Variants in PDSS2 observed in about 807,000 individuals in gnomAD.
The protein encoded by PDSS2 is decaprenyl diphosphate synthase subunit 2.
PDSS2 carries 31 observed loss-of-function variants against 44.5 expected under a neutral mutation model. The observed-to-expected ratio is 0.70, with a 90% confidence interval of 0.52 to 0.94. PDSS2 has a LOEUF of 0.94. Ranked by LOEUF, PDSS2 falls within the 40% of genes least tolerant of loss-of-function variation. The pLI is 0.00. For synonymous variants in PDSS2, 157 were observed against 180.3 expected, an observed-to-expected ratio of 0.87 and a Z score of 1.03; for missense variants, 452 against 482.2, an observed-to-expected ratio of 0.94 and a Z score of 0.59.
Position 107,274,181 on chromosome 6 carries a change from G to A in PDSS2, c.478C>T (p.Leu160Phe). The change falls in exon 3 of 8, where the codon CTT (leucine) becomes TTT (phenylalanine). Residue 160 changes from leucine to phenylalanine, a missense_variant. Transcript: ENST00000369037. Reference protein sequence around the residue: ...EITELIHIALLVHRGIVNLNE... With the variant: ...EITELIHIALFVHRGIVNLNE... ...AAATTTACTATCCCACGATGTACAA[G>A]GAGAGCAATATGAATTAGCTCCGTG... 1 of 1,613,974 alleles carries A rather than the reference G, an allele frequency of 6.2e-7. No individual in the cohort carries two copies. Among genetic ancestry groups the A allele is most frequent in the Non-Finnish European group, 8.5e-7 (1 of 1,179,854 alleles).
intron 7 of PDSS2, among the ~76,000 whole-genome samples, chr6:107,156,196 C>CTTTTTTT (rs11447270): frequency 1.7e-5 from 2 of 117,970 alleles, no homozygotes; most frequent in African/African-American, 3.1e-5. Context: ...GGCCTGAATG[C>CTTTTTTT]TTTTTTTTTT....
intron 2 of PDSS2, among the ~76,000 whole-genome samples, chr6:107,303,980 A>G (rs1353798497): frequency 3.3e-5 from 5 of 152,220 alleles, no homozygotes; most frequent in Non-Finnish European, 4.4e-5. Flanking sequence ...AATAACAAGG[A>G]CATAAACTTC....
At chr6:107,189,056 T>C (rs2114503361) in intron 7 of PDSS2, among the ~76,000 whole-genome samples, 1 of 152,232 alleles carries the variant, frequency 6.6e-6, no homozygotes, top group East Asian at 1.9e-4. Context: ...ACTATAGGTG[T>C]GCACCACCAT....
chr6:107,219,851 A>G (rs569638411), intron 4 of PDSS2, among the ~76,000 whole-genome samples: 10 of 152,292 alleles, frequency 6.6e-5, no homozygotes, highest in African/African-American at 2.4e-4. Context: ...TATCTGTTGC[A>G]TTATTAAGTA....
At chr6:107,288,811 G>A (rs1776246832) in intron 2 of PDSS2, among the ~76,000 whole-genome samples, 1 of 141,622 alleles carries the variant, frequency 7.1e-6, no homozygotes, top group Non-Finnish European at 1.5e-5. Flanking sequence ...CCAGGCTGGA[G>A]TGCAGTGGTA....
chr6:107,447,227 T>A (rs928946002), intron 1 of PDSS2, among the ~76,000 whole-genome samples: 1 of 151,996 alleles, frequency 6.6e-6, no homozygotes, highest in Non-Finnish European at 1.5e-5. Flanking sequence ...TCCCAGCTAC[T>A]CAGGAGGCTG....
In PDSS2 at chr6:107,184,864, A is replaced by C. The variant is rs139066306; in HGVS notation, c.1041+8958T>G. Among the ~76,000 whole-genome samples the C allele has an allele frequency of 6.6e-5, 10 of 151,972 alleles. No individual in the cohort carries two copies. The East Asian group carries it at 1.7e-3, about 26-fold the overall frequency. The stretch of plus-strand genomic sequence containing the variant: ...TTTTTTTACCAAGTGCTTAAGCATG[A>C]GCAATTATTTCTCTGTGCTTAGAAT... On this transcript the variant is annotated intron_variant, in intron 7 of 7. Transcript: ENST00000369037.
intron 1 of PDSS2, among the ~76,000 whole-genome samples, chr6:107,339,268 T>C (rs1778003896): frequency 6.6e-6 from 1 of 152,220 alleles, no homozygotes. Flanking sequence ...AATTATCTAA[T>C]ACTCCACAAT....
intron 2 of PDSS2, among the ~76,000 whole-genome samples, chr6:107,286,127 G>A (rs1400341227): frequency 2.3e-4 from 4 of 17,422 alleles, no homozygotes; most frequent in South Asian, 3.6e-3. Context: ...GCAAAACTTC[G>A]TCGCAAAATA....
At chr6:107,405,586 G>A (rs111982020) in intron 1 of PDSS2, among the ~76,000 whole-genome samples, 38 of 152,178 alleles carry the variant, frequency 2.5e-4, no homozygotes, top group Non-Finnish European at 4.7e-4. Flanking sequence ...GGTGGCTCAC[G>A]CCTGTAATCC....
intron 1 of PDSS2, among the ~76,000 whole-genome samples, chr6:107,336,817 AGGTGTGTGG>A: frequency 6.8e-6 from 1 of 147,304 alleles, no homozygotes; most frequent in Admixed American, 6.9e-5. Flanking sequence ...AAAGAAAAAG[AGGTGTGTGG>A]TGTGTGTGTG....
At chr6:107,272,083 A>AC (rs1276367242) in intron 3 of PDSS2, among the ~76,000 whole-genome samples, 1 of 129,084 alleles carries the variant, frequency 7.7e-6, no homozygotes, top group Non-Finnish European at 1.7e-5. Context: ...AAAAAAAGAA[A>AC]CAAAAAAAAA....
At chr6:107,353,737 A>G (rs1250275026) in intron 1 of PDSS2, among the ~76,000 whole-genome samples, 1 of 152,176 alleles carries the variant, frequency 6.6e-6, no homozygotes, top group Non-Finnish European at 1.5e-5. Flanking sequence ...GAACTTCTCA[A>G]TTAAATTCAT....
At chr6:107,193,980 C>A in intron 6 of PDSS2, 126 bp from the exon 7 acceptor site, 2 of 704,030 alleles carry the variant, frequency 2.8e-6, no homozygotes, top group Non-Finnish European at 5.2e-6. Flanking sequence ...ATTTAATATA[C>A]ATATTGAACT....
intron 1 of PDSS2, among the ~76,000 whole-genome samples, chr6:107,396,678 C>CTTTCTTTT: frequency 1.3e-5 from 1 of 79,358 alleles, no homozygotes; most frequent in Non-Finnish European, 2.6e-5. Context: ...CTTCTTTTTT[C>CTTTCTTTT]TTTTTTTTTT....
rs1778008119 is a variant in PDSS2, at chr6:107,339,398, A to T, written c.297-5066T>A. Among the ~76,000 whole-genome samples the T allele has an allele frequency of 2.0e-5, 3 of 152,246 alleles. No homozygotes were observed. The South Asian group carries it at 6.2e-4, about 32-fold the overall frequency. Reference sequence around the variant, plus strand: ...TTGGGTTTTCTTAGCTAATGAACAAAAACATCATTTGTTCATTCATTCATT... The same window carrying T: ...TTGGGTTTTCTTAGCTAATGAACAATAACATCATTTGTTCATTCATTCATT... On this transcript the variant is annotated intron_variant, in intron 1 of 7. Coordinates refer to ENST00000369037, the MANE Select transcript of PDSS2 (RefSeq NM_020381.4).
At chr6:107,319,092 T>G (rs1230593281) in intron 2 of PDSS2, among the ~76,000 whole-genome samples, 1 of 152,112 alleles carries the variant, frequency 6.6e-6, no homozygotes, top group Admixed American at 6.6e-5. Flanking sequence ...AAAAAGAATG[T>G]GCAATTACTA....
chr6:107,429,302 C>T (rs1469437384), intron 1 of PDSS2, among the ~76,000 whole-genome samples: 1 of 152,126 alleles, frequency 6.6e-6, no homozygotes, highest in African/African-American at 2.4e-5. Flanking sequence ...ACAAGCTAAA[C>T]TCTATGCACA....
chr6:107,228,509 C>A (rs753973422), intron 4 of PDSS2, among the ~76,000 whole-genome samples: 2 of 152,046 alleles, frequency 1.3e-5, no homozygotes, highest in Non-Finnish European at 2.9e-5. Context: ...GCCTGGCCAA[C>A]GTGGTGAAAC....
Sources: gnomAD v4.1 joint callset for allele counts (sites outside exome capture counted in the v4.1 genomes callset) on GRCh38, gnomAD v4.1.1 for gene constraint, MANE v1.5 for transcripts, NCBI Gene and HGNC (gene_info 2026-07-23, HGNC 2026-07-21) for gene names.